The following FOXN3 variants were observed in gnomAD, a reference collection of about 807,000 sequenced individuals.
The protein encoded by FOXN3 is forkhead box protein N3.
FOXN3 carries 7 observed loss-of-function variants against 38.4 expected under a neutral mutation model. That is an observed-to-expected ratio of 0.18 (90% CI 0.10 to 0.34). The LOEUF is 0.34. Ranked by LOEUF, FOXN3 falls within the 10% of genes least tolerant of loss-of-function variation. The pLI is 1.00. For missense variants in FOXN3, 456 were observed against 613.4 expected (o/e 0.74, Z 2.71); for synonymous variants, 230 against 242.2 (o/e 0.95, Z 0.47).
At chr14:89,299,433 T>C (rs1487726896) in intron 3 of FOXN3, among the ~76,000 whole-genome samples, 1 of 152,232 alleles carries the variant, frequency 6.6e-6, no homozygotes, top group Non-Finnish European at 1.5e-5. Flanking sequence ...GTCTTGGATG[T>C]CTTTATCAGC....
intron 2 of FOXN3, among the ~76,000 whole-genome samples, chr14:89,358,946 C>A (rs558356994): frequency 9.5e-4 from 144 of 152,288 alleles, no homozygotes; most frequent in African/African-American, 3.3e-3. Flanking sequence ...ACCTGCTTCA[C>A]AAGATTGTTG....
intron 1 of FOXN3, among the ~76,000 whole-genome samples, chr14:89,501,986 C>T (rs2139790594): frequency 1.3e-5 from 2 of 151,930 alleles, no homozygotes; most frequent in South Asian, 2.1e-4. Flanking sequence ...ACCAACATGG[C>T]GAAACCCCAA....
At position 89,555,882 on chromosome 14, in the gene FOXN3, G is replaced by GTGTGTGTGTGTGGGTGT. The variant is rs58769284; in HGVS notation, c.-15+63145_-15+63146insACACCCACACACACACA. ...GTGTGTGTGTGTGTGTGTGTATGTG[G>GTGTGTGTGTGTGGGTGT]GGGTGTATGTGGGGGTGTGTGTGTT... On this transcript the variant is annotated intron_variant, in intron 1 of 6. Coordinates refer to the FOXN3 transcript ENST00000345097. 6.7e-5 allele frequency among the ~76,000 whole-genome samples: 7 copies of GTGTGTGTGTGTGGGTGT among 104,664 alleles called. 2 individuals carry two copies. The highest frequency in any genetic ancestry group is 7.5e-4 in the South Asian group (2 of 2,668). 68.7% of individuals were successfully genotyped at this position (104,664 alleles called of 152,430 possible). A position where few individuals can be genotyped will look rare whatever the true frequency, so the allele number is the denominator to read the frequency against.
chr14:89,536,905 G>A (rs558520720), intron 1 of FOXN3, among the ~76,000 whole-genome samples: 53 of 152,200 alleles, frequency 3.5e-4, no homozygotes, highest in Non-Finnish European at 7.2e-4. Context: ...CCCCATCACC[G>A]GGAAATTATA....
rs1027742211 is a variant in FOXN3 at position 89,156,589 on chromosome 14, C to T, written c.*5825G>A. The stretch of plus-strand genomic sequence containing the variant: ...TATTGGCCAGCCAAGGTCAGACGAC[C>T]CTAAGCATCAATAGTAAACCTCTTG... On this transcript the variant is annotated 3_prime_UTR_variant, in exon 6 of 6. Coordinates refer to ENST00000557258, the MANE Select transcript of FOXN3 (RefSeq NM_005197.4). The T allele has an allele frequency of 4.6e-5, 7 of 151,248 alleles. No individual in the cohort carries two copies. Among genetic ancestry groups the T allele is most frequent in the Non-Finnish European group, 8.8e-5 (6 of 67,878 alleles). 9.4% of individuals were successfully genotyped at this position (151,248 alleles called of 1,614,324 possible). A position where few individuals can be genotyped will look rare whatever the true frequency, so the allele number is the denominator to read the frequency against.
chr14:89,554,182 A>G (rs771810890), intron 1 of FOXN3, among the ~76,000 whole-genome samples: 7 of 152,088 alleles, frequency 4.6e-5, no homozygotes, highest in Non-Finnish European at 8.8e-5. Context: ...TTGTATTATT[A>G]GTAGAGACAG....
intron 4 of FOXN3, among the ~76,000 whole-genome samples, chr14:89,183,019 T>C (rs753015925): frequency 3.3e-5 from 5 of 152,188 alleles, no homozygotes; most frequent in Non-Finnish European, 5.9e-5. Flanking sequence ...GAAGAAAATA[T>C]AGGAGGAAAA....
chr14:89,388,595 A>G (rs1475322919), intron 2 of FOXN3, among the ~76,000 whole-genome samples: 1 of 152,104 alleles, frequency 6.6e-6, no homozygotes, highest in Non-Finnish European at 1.5e-5. Context: ...TTACATTTAG[A>G]GGAGACACGT....
rs147176524 is a variant in FOXN3 at position 89,550,936 on chromosome 14, C to T, written c.-15+68092G>A. Among the ~76,000 whole-genome samples, 766 of 152,244 alleles carry T rather than the reference C, an allele frequency of 5.0e-3. 7 individuals are homozygous for T. The highest frequency in any genetic ancestry group is 0.017 in the African/African-American group (722 of 41,546). On this transcript the variant is annotated intron_variant, in intron 1 of 6. Transcript: ENST00000345097. ...AGGCAAACTAGAGCCTCTGCAGACA[C>T]GCAGGGAAGAAACAGTCTTCTACTT... is the stretch of plus-strand genomic sequence containing the variant.
intron 1 of FOXN3, among the ~76,000 whole-genome samples, chr14:89,429,948 C>A (rs944270584): frequency 6.6e-6 from 1 of 152,166 alleles, no homozygotes; most frequent in Non-Finnish European, 1.5e-5. Context: ...ACTTGTCTCC[C>A]CCTTGTCTAT....
At chr14:89,486,517 T>G (rs888995812) in intron 1 of FOXN3, 1 of 152,184 alleles carries the variant, frequency 6.6e-6, no homozygotes, top group Non-Finnish European at 1.5e-5. Context: ...ATTTCATGTA[T>G]TCAATGCAAT....
At chr14:89,590,252 C>T (rs1895922679) in intron 1 of FOXN3, among the ~76,000 whole-genome samples, 1 of 152,066 alleles carries the variant, frequency 6.6e-6, no homozygotes, top group Non-Finnish European at 1.5e-5. Flanking sequence ...TGTAAGCAAA[C>T]TGAAGACGTG....
At chr14:89,528,376 CTTTTTTTTTTTT>C (rs55935162) in intron 1 of FOXN3, among the ~76,000 whole-genome samples, 1,747 of 53,620 alleles carry the variant, frequency 0.033, 15 homozygotes, top group Non-Finnish European at 0.038. Context: ...ATGGATGAAT[CTTTTTTTTTTTT>C]TTTTTTTTTT....
chr14:89,206,966 A>G (rs1177192633), intron 4 of FOXN3, among the ~76,000 whole-genome samples: 1 of 152,210 alleles, frequency 6.6e-6, no homozygotes, highest in African/African-American at 2.4e-5. Context: ...AATAAAAATG[A>G]GTATCTGTTT....
intron 3 of FOXN3, among the ~76,000 whole-genome samples, chr14:89,324,471 T>C (rs1014362861): frequency 2.0e-5 from 3 of 151,800 alleles, no homozygotes; most frequent in African/African-American, 7.3e-5. Context: ...TGTGTGTGTG[T>C]GTGTGTGTGT....
At chr14:89,543,569 G>C (rs1267171286) in intron 1 of FOXN3, among the ~76,000 whole-genome samples, 1 of 152,206 alleles carries the variant, frequency 6.6e-6, no homozygotes, top group Admixed American at 6.5e-5. Flanking sequence ...GGAGCCAGTG[G>C]CAGAAAATCT....
intron 3 of FOXN3, among the ~76,000 whole-genome samples, chr14:89,328,680 C>T (rs150434001): frequency 9.2e-4 from 140 of 152,362 alleles, no homozygotes; most frequent in African/African-American, 3.2e-3. Context: ...CACATTCCCA[C>T]TAGCACAGCC....
At chr14:89,535,288 G>A (rs140906336) in intron 1 of FOXN3, among the ~76,000 whole-genome samples, 38 of 151,374 alleles carry the variant, frequency 2.5e-4, no homozygotes, top group African/African-American at 9.0e-4. Context: ...ATAAGAACAC[G>A]GCAGTATTTA....
At chr14:89,558,481 G>A (rs1895172743) in intron 1 of FOXN3, among the ~76,000 whole-genome samples, 1 of 152,146 alleles carries the variant, frequency 6.6e-6, no homozygotes, top group African/African-American at 2.4e-5. Context: ...CTAAGCACAG[G>A]ACCCTCGTTT....
Sources: allele counts gnomAD v4.1 joint callset (sites outside exome capture counted in the v4.1 genomes callset), GRCh38; gene constraint gnomAD v4.1.1; transcripts MANE v1.5; gene names NCBI Gene and HGNC (gene_info 2026-07-23, HGNC 2026-07-21).